TRPM6: variants seen among roughly 807,000 people sequenced by gnomAD.
TRPM6 encodes the protein transient receptor potential cation channel subfamily M member 6, also known as channel kinase 2.
TRPM6 carries 111 observed loss-of-function variants against 247.6 expected under a neutral mutation model. The observed-to-expected ratio is 0.45, with a 90% CI of 0.38 to 0.52. The LOEUF is 0.52. Among genes scored for constraint, TRPM6 ranks in the 20% least tolerant of loss-of-function variants. The probability of loss-of-function intolerance (pLI) is 0.00; values close to 1 mark genes in which losing one functional copy is unlikely to be tolerated. For synonymous variants in TRPM6, 892 were observed against 853.8 expected (o/e 1.04, Z -0.78); for missense variants, 2,126 against 2,421.5 (o/e 0.88, Z 2.56).
intron 14 of TRPM6, 142 bp from the exon 15 acceptor site, chr9:74,804,028 C>A: frequency 1.4e-6 from 1 of 691,090 alleles, no homozygotes; most frequent in East Asian, 2.7e-5. Flanking sequence ...AATGTTGTGT[C>A]CTACCAAATA....
At chr9:74,851,739 A>C (rs1269115798) in intron 3 of TRPM6, among the ~76,000 whole-genome samples, 2 of 145,806 alleles carry the variant, frequency 1.4e-5, no homozygotes, top group African/African-American at 5.2e-5. Context: ...ACAGAGCTAG[A>C]CTTTGTCTCA....
chr9:74,769,046 T>C (rs796346724), intron 25 of TRPM6, among the ~76,000 whole-genome samples: 41 of 152,320 alleles, frequency 2.7e-4, no homozygotes, highest in African/African-American at 9.9e-4. Flanking sequence ...ATAGATAACT[T>C]TCATTGTACT....
chr9:74,778,555 C>CA (rs1827306808), intron 23 of TRPM6, among the ~76,000 whole-genome samples: 1 of 152,196 alleles, frequency 6.6e-6, no homozygotes, highest in African/African-American at 2.4e-5. Flanking sequence ...GCATTAGGGA[C>CA]AGGGTCAGTC....
chr9:74,827,688 GGA>G (rs780154337), intron 7 of TRPM6, 88 bp downstream of exon 7: 5 of 1,379,930 alleles, frequency 3.6e-6, no homozygotes, highest in Non-Finnish European at 5.2e-6. Context: ...GAGGGGACTA[GGA>G]GAGTGAGCTC....
In TRPM6 at chr9:74,867,125, T is replaced by A. The variant is rs537057222; in HGVS notation, c.34-8377A>T. Among the ~76,000 whole-genome samples the A allele has an allele frequency of 4.4e-4, 67 of 152,298 alleles. 1 individual carries two copies. Among genetic ancestry groups the A allele is most frequent in the Admixed American group, 1.5e-3 (23 of 15,286 alleles). ...TTGCAATAAGTGGTTTTGCTTGAAG[T>A]ATACAAAGAAAATCTGCCTCACAGA... On this transcript the variant is annotated intron_variant, in intron 1 of 38. Transcript: ENST00000360774.
intron 31 of TRPM6, among the ~76,000 whole-genome samples, chr9:74,746,636 A>G (rs1826055818): frequency 6.6e-6 from 1 of 152,210 alleles, no homozygotes; most frequent in African/African-American, 2.4e-5. Flanking sequence ...GAAGGCTTCT[A>G]CCTGAGTGAT....
intron 33 of TRPM6, among the ~76,000 whole-genome samples, chr9:74,740,713 A>G (rs898908869): frequency 1.3e-5 from 2 of 152,196 alleles, no homozygotes; most frequent in Non-Finnish European, 2.9e-5. Context: ...CACTTGTGGC[A>G]TCACATTAGC....
At chr9:74,771,894 C>T in intron 24 of TRPM6, 59 bp from the exon 25 acceptor site, 1 of 1,516,104 alleles carries the variant, frequency 6.6e-7, no homozygotes, top group South Asian at 1.1e-5. Context: ...GCATGAGTGG[C>T]TTTTCTTCCA....
At chr9:74,887,485 G>T in intron 1 of TRPM6, 1 of 1,058,076 alleles carries the variant, frequency 9.5e-7, no homozygotes, top group Non-Finnish European at 1.4e-6. Context: ...AATCAGAGCT[G>T]CCTCCTCTCC....
intron 7 of TRPM6, chr9:74,827,048 T>A (rs1347453718): frequency 6.6e-6 from 1 of 152,364 alleles, no homozygotes; most frequent in African/African-American, 2.4e-5. Context: ...CCAAGGTCCC[T>A]ATTTCTAAAA....
Position 74,792,707 on chromosome 9 carries a change from C to A in TRPM6, c.2455G>T (p.Glu819Ter). ...CACGGAAGGTGTTGGTGCCCACTTT[C>A]CAAACCAAAATGCTGATTTTCATCC... ...KLDENQHFGL[E>*]SGHQHLPWTR... The change falls in exon 19 of 39, where the codon GAA (glutamate) becomes TAA (stop). Residue 819 changes from glutamate to a stop codon, truncating the protein, a stop_gained. Coordinates refer to ENST00000360774, the MANE Select transcript of TRPM6 (RefSeq NM_017662.5). LOFTEE classifies it high-confidence loss of function. The A allele has an allele frequency of 6.2e-7, 1 of 1,614,008 alleles. No homozygotes were observed. The highest frequency in any genetic ancestry group is 8.5e-7 in the Non-Finnish European group (1 of 1,179,882).
chr9:74,816,625 A>G (rs1235473351), intron 11 of TRPM6, 44 bp downstream of exon 11: 3 of 1,521,906 alleles, frequency 2.0e-6, no homozygotes, highest in South Asian at 1.1e-5. Flanking sequence ...CTAACAGACC[A>G]TCACACAAAA....
At position 74,771,687 on chromosome 9, in the gene TRPM6, G is replaced by T. The variant is rs753494734; in HGVS notation, c.3536+16C>A. 1.2e-6 allele frequency: 2 copies of T among 1,612,532 alleles called. No homozygotes were observed. Among genetic ancestry groups the T allele is most frequent in the South Asian group, 2.2e-5 (2 of 91,010 alleles). The stretch of plus-strand genomic sequence containing the variant: ...GTGTTAGTGGTTTCAGAATGGAAAA[G>T]ATTTATATCTTTTACCTTTCTGATG... On this transcript the variant is annotated intron_variant, in intron 25 of 38. Transcript: ENST00000360774.
At chr9:74,810,403 C>A (rs1446360019) in intron 13 of TRPM6, among the ~76,000 whole-genome samples, 1 of 152,090 alleles carries the variant, frequency 6.6e-6, no homozygotes, top group African/African-American at 2.4e-5. Flanking sequence ...CAAGAGAGTG[C>A]CAGAACTATC....
chr9:74,740,699 T>C (rs911705581), intron 33 of TRPM6, among the ~76,000 whole-genome samples: 8 of 152,166 alleles, frequency 5.3e-5, no homozygotes, highest in South Asian at 2.1e-4. Flanking sequence ...TTGTGGGAGT[T>C]TTCCACTTGT....
intron 1 of TRPM6, among the ~76,000 whole-genome samples, chr9:74,885,531 G>A (rs938946792): frequency 1.3e-5 from 2 of 152,164 alleles, no homozygotes; most frequent in East Asian, 1.9e-4. Flanking sequence ...CAATGAGAAC[G>A]TAAAACTTCA....
At chr9:74,769,525 G>A (rs111233443) in intron 25 of TRPM6, among the ~76,000 whole-genome samples, 1,753 of 152,124 alleles carry the variant, frequency 0.012, 37 homozygotes, top group African/African-American at 0.04. Flanking sequence ...GTGGGAGGTC[G>A]AGGGGGGCGG....
rs1348521393 is a variant in TRPM6 at position 74,868,473 on chromosome 9, C to G, written c.34-9725G>C. 2.0e-5 allele frequency among the ~76,000 whole-genome samples: 3 copies of G among 150,564 alleles called. No homozygotes were observed. The South Asian group carries it at 6.3e-4, about 32-fold the overall frequency. ...TCATGCCACTGCACTCCAGCCTGGT[C>G]GACAGAGCGAGACTCCATCTCAAAA... On this transcript the variant is annotated intron_variant, in intron 1 of 38. Transcript: ENST00000360774.
At chr9:74,799,897 A>T in intron 17 of TRPM6, 1 of 327,876 alleles carries the variant, frequency 3.0e-6, no homozygotes, top group Non-Finnish European at 5.9e-6. Flanking sequence ...ATTAACTAGG[A>T]TGTGAGGGCG....
Sources: allele counts gnomAD v4.1 joint callset (sites outside exome capture counted in the v4.1 genomes callset), GRCh38; gene constraint gnomAD v4.1.1; transcripts MANE v1.5; gene names NCBI Gene and HGNC (gene_info 2026-07-23, HGNC 2026-07-21).